SENP7: variants seen among roughly 807,000 people sequenced by gnomAD.
The protein encoded by SENP7 is SUMO specific peptidase 7, also known as sentrin-specific protease 7.
In SENP7, 64 loss-of-function variants were observed where a neutral mutation model predicts 141.2. That is an observed-to-expected ratio of 0.45 (90% confidence interval 0.37 to 0.56). SENP7 has a LOEUF of 0.56. SENP7 is among the 20% of genes least tolerant of loss of function. The pLI is 0.00. For missense variants in SENP7, 1,025 were observed against 1,212.2 expected (o/e 0.85, Z 2.29); for synonymous variants, 382 against 426.4 (o/e 0.90, Z 1.28).
At chr3:101,485,058 A>G (rs912624537) in intron 3 of SENP7, among the ~76,000 whole-genome samples, 8 of 151,854 alleles carry the variant, frequency 5.3e-5, no homozygotes, top group Admixed American at 6.6e-5. Context: ...CCCAACTCCA[A>G]TGACCTGGGA....
At chr3:101,386,375 T>C (rs1409098755) in intron 6 of SENP7, among the ~76,000 whole-genome samples, 2 of 152,134 alleles carry the variant, frequency 1.3e-5, no homozygotes, top group East Asian at 1.9e-4. Context: ...TGGCAGGACC[T>C]GAGACTAATA....
chr3:101,436,015 T>C (rs1190821959), intron 4 of SENP7, among the ~76,000 whole-genome samples: 1 of 152,146 alleles, frequency 6.6e-6, no homozygotes, highest in Non-Finnish European at 1.5e-5. Flanking sequence ...ATTACCTGAC[T>C]TCATATTATA....
intron 4 of SENP7, among the ~76,000 whole-genome samples, chr3:101,456,728 C>A (rs1290205511): frequency 6.6e-6 from 1 of 152,094 alleles, no homozygotes; most frequent in Non-Finnish European, 1.5e-5. Flanking sequence ...CCTGTGCCCA[C>A]CACTTTACAA....
rs766617269 is a variant in SENP7 at position 101,327,650 on chromosome 3, T to G, written c.3015+16A>C. ...TGGTAACTGTGAATTAAAAACTTAT[T>G]TATAGCTTCACATACCTTGAAGAAG... On this transcript the variant is annotated intron_variant, in intron 23 of 23. Transcript: ENST00000394095. 3.2e-6 allele frequency: 5 copies of G among 1,580,630 alleles called. No individual in the cohort carries two copies. Among genetic ancestry groups the G allele is most frequent in the Non-Finnish European group, 4.3e-6 (5 of 1,165,116 alleles).
At chr3:101,452,139 T>C (rs2063163223) in intron 4 of SENP7, among the ~76,000 whole-genome samples, 1 of 151,848 alleles carries the variant, frequency 6.6e-6, no homozygotes, top group Non-Finnish European at 1.5e-5. Flanking sequence ...ATAAAATACC[T>C]AGGAATCCAA....
intron 3 of SENP7, among the ~76,000 whole-genome samples, chr3:101,462,550 A>G (rs191461419): frequency 2.3e-3 from 345 of 151,508 alleles, no homozygotes; most frequent in African/African-American, 7.8e-3. Context: ...TCAAAAAAAA[A>G]AAAGAAAGAA....
At chr3:101,499,728 G>T (rs530541863) in intron 2 of SENP7, among the ~76,000 whole-genome samples, 1 of 152,046 alleles carries the variant, frequency 6.6e-6, no homozygotes, top group East Asian at 1.9e-4. Context: ...GTTGAGATGG[G>T]GTTTCACCGT....
chr3:101,446,042 G>A (rs2062878684), intron 4 of SENP7, among the ~76,000 whole-genome samples: 1 of 152,192 alleles, frequency 6.6e-6, no homozygotes, highest in Non-Finnish European at 1.5e-5. Flanking sequence ...TATGGGAGGT[G>A]ATTGGTTCGT....
At chr3:101,452,433 C>T (rs555362511) in intron 4 of SENP7, among the ~76,000 whole-genome samples, 1 of 152,212 alleles carries the variant, frequency 6.6e-6, no homozygotes, top group South Asian at 2.1e-4. Flanking sequence ...AAGAACAAAG[C>T]TGGAGGCATC....
At chr3:101,411,985 T>C (rs1395522665) in intron 5 of SENP7, among the ~76,000 whole-genome samples, 2 of 152,180 alleles carry the variant, frequency 1.3e-5, no homozygotes, top group Non-Finnish European at 1.5e-5. Flanking sequence ...CTCTGACTCT[T>C]AGTTTTCTCA....
At chr3:101,408,245 C>A (rs1162060772) in intron 5 of SENP7, among the ~76,000 whole-genome samples, 1 of 151,830 alleles carries the variant, frequency 6.6e-6, no homozygotes, top group Non-Finnish European at 1.5e-5. Flanking sequence ...AATTAGGTAC[C>A]CTGAACAGAC....
At chr3:101,390,219 CAAAA>C (rs563281627) in intron 6 of SENP7, among the ~76,000 whole-genome samples, 46 of 73,818 alleles carry the variant, frequency 6.2e-4, no homozygotes, top group Middle Eastern at 0.011. Flanking sequence ...GACTCTGTCT[CAAAA>C]AAAAAAAAAA....
At chr3:101,368,520 G>C (rs1308533534) in intron 7 of SENP7, among the ~76,000 whole-genome samples, 5 of 136,610 alleles carry the variant, frequency 3.7e-5, no homozygotes, top group African/African-American at 1.1e-4. Flanking sequence ...GGTGGGAACT[G>C]AACAATGAGA....
chr3:101,494,808 A>C (rs946691287), intron 2 of SENP7, among the ~76,000 whole-genome samples: 1 of 152,228 alleles, frequency 6.6e-6, no homozygotes, highest in Non-Finnish European at 1.5e-5. Flanking sequence ...GATGGATTAA[A>C]GACTTAAATG....
intron 4 of SENP7, among the ~76,000 whole-genome samples, chr3:101,440,488 T>C (rs980215928): frequency 2.3e-5 from 3 of 128,842 alleles, no homozygotes; most frequent in Non-Finnish European, 4.8e-5. Flanking sequence ...GTTCACTTGT[T>C]TATCTGCTGA....
rs146747131 is a variant in SENP7, at chr3:101,399,081, T to C, written c.483-26A>G. 2.8e-3 allele frequency: 4,232 copies of C among 1,495,902 alleles called. 10 individuals are homozygous for C. Among genetic ancestry groups the C allele is most frequent in the Non-Finnish European group, 3.4e-3 (3,761 of 1,103,082 alleles). 92.7% of individuals were successfully genotyped at this position (1,495,902 alleles called of 1,614,324 possible). On this transcript the variant is annotated intron_variant, in intron 5 of 23. Transcript: ENST00000394095. ...CTGTCACATAGAATAACAAACACTG[T>C]ACTGTACTGAAGTTTTCAGTTAAAA...
intron 4 of SENP7, among the ~76,000 whole-genome samples, chr3:101,429,841 CTTA>C (rs764262968): frequency 2.1e-4 from 32 of 152,178 alleles, no homozygotes; most frequent in Non-Finnish European, 4.3e-4. Flanking sequence ...ATAAATAGCT[CTTA>C]TTATTTTGAG....
intron 5 of SENP7, among the ~76,000 whole-genome samples, chr3:101,403,084 G>A (rs1559774671): frequency 6.6e-6 from 1 of 152,154 alleles, no homozygotes. Flanking sequence ...GTACAGTGAA[G>A]TTCACATTTT....
At chr3:101,503,031 T>A (rs1436280732) in intron 1 of SENP7, among the ~76,000 whole-genome samples, 3 of 151,890 alleles carry the variant, frequency 2.0e-5, no homozygotes, top group Non-Finnish European at 4.4e-5. Flanking sequence ...AAAGAATTCA[T>A]AACCAGAATA....
Sources: allele counts gnomAD v4.1 joint callset (sites outside exome capture counted in the v4.1 genomes callset), GRCh38; gene constraint gnomAD v4.1.1; transcripts MANE v1.5; gene names NCBI Gene and HGNC (gene_info 2026-07-23, HGNC 2026-07-21).